CLHC1: variants seen among roughly 807,000 people sequenced by gnomAD.
The protein encoded by CLHC1 is clathrin heavy chain linker domain-containing protein 1.
Under a neutral mutation model 69.5 loss-of-function variants are expected in CLHC1, and 72 were observed. The observed-to-expected ratio is 1.04, with a 90% CI of 0.86 to 1.26. CLHC1 has a LOEUF of 1.26. Among genes scored for constraint, CLHC1 ranks in the 50% most tolerant of loss-of-function variants. The probability of loss-of-function intolerance (pLI) is 0.00; values close to 1 mark genes in which losing one functional copy is unlikely to be tolerated. For missense variants in CLHC1, 790 were observed against 679.3 expected (o/e 1.16, Z -1.81); for synonymous variants, 223 against 224.3 (o/e 0.99, Z 0.05).
chr2:55,176,082 C>A, intron 12 of CLHC1, 96 bp from the exon 13 acceptor site: 1 of 1,000,536 alleles, frequency 1.0e-6, no homozygotes, highest in East Asian at 2.5e-5. Context: ...AATTTCAACT[C>A]AGTTACTGTT....
intron 11 of CLHC1, 61 bp from the exon 12 acceptor site, chr2:55,177,842 T>C: frequency 8.1e-7 from 1 of 1,237,832 alleles, no homozygotes; most frequent in South Asian, 1.4e-5. Flanking sequence ...AACTAGAAAC[T>C]AGGACTAGCT....
intron 9 of CLHC1, among the ~76,000 whole-genome samples, chr2:55,186,858 A>T (rs956108659): frequency 6.6e-6 from 1 of 152,192 alleles, no homozygotes; most frequent in South Asian, 2.1e-4. Flanking sequence ...TTTTTAAAAC[A>T]AGCAGATTTG....
At chr2:55,222,839 T>G (rs944648814) in intron 2 of CLHC1, among the ~76,000 whole-genome samples, 2 of 147,850 alleles carry the variant, frequency 1.4e-5, no homozygotes, top group African/African-American at 2.5e-5. Flanking sequence ...GAGGATCGCT[T>G]GAACCCCGGA....
intron 5 of CLHC1, among the ~76,000 whole-genome samples, chr2:55,212,212 G>C (rs1196366559): frequency 6.6e-6 from 1 of 151,506 alleles, no homozygotes; most frequent in Non-Finnish European, 1.5e-5. Flanking sequence ...TGGAGAGGGA[G>C]GTTGCTGTGG....
chr2:55,212,204 G>C (rs1673076561), intron 5 of CLHC1, among the ~76,000 whole-genome samples: 1 of 151,034 alleles, frequency 6.6e-6, no homozygotes, highest in Non-Finnish European at 1.5e-5. Flanking sequence ...TTAAACCCTG[G>C]AGAGGGAGGT....
chr2:55,183,888 C>A (rs1284719785), intron 9 of CLHC1, among the ~76,000 whole-genome samples: 1 of 152,080 alleles, frequency 6.6e-6, no homozygotes, highest in African/African-American at 2.4e-5. Context: ...TCAAGCAATT[C>A]TCTTGCCTCA....
chr2:55,183,459 C>T (rs1670110664), intron 9 of CLHC1, among the ~76,000 whole-genome samples: 1 of 152,212 alleles, frequency 6.6e-6, no homozygotes, highest in African/African-American at 2.4e-5. Flanking sequence ...TCAAGTCTAA[C>T]TGATCTATGA....
chr2:55,192,406 C>G (rs1004045008), intron 9 of CLHC1, among the ~76,000 whole-genome samples: 4 of 152,142 alleles, frequency 2.6e-5, no homozygotes, highest in African/African-American at 9.7e-5. Flanking sequence ...AGGTGCACTG[C>G]TTCTGGCCTC....
At chr2:55,178,936 A>T (rs1341094039) in intron 11 of CLHC1, among the ~76,000 whole-genome samples, 1 of 149,740 alleles carries the variant, frequency 6.7e-6, no homozygotes, top group Non-Finnish European at 1.5e-5. Flanking sequence ...TATTATTATT[A>T]TTATTATTAT....
chr2:55,189,754 A>C (rs1670744817), intron 9 of CLHC1, among the ~76,000 whole-genome samples: 2 of 152,220 alleles, frequency 1.3e-5, no homozygotes, highest in African/African-American at 4.8e-5. Flanking sequence ...CATACCGGTG[A>C]GGAAGCTACC....
At chr2:55,176,070 A>G in intron 12 of CLHC1, 84 bp from the exon 13 acceptor site, 1 of 1,153,586 alleles carries the variant, frequency 8.7e-7, no homozygotes, top group Non-Finnish European at 1.2e-6. Flanking sequence ...AGAAAAGGAC[A>G]TAATTTCAAC....
intron 9 of CLHC1, among the ~76,000 whole-genome samples, chr2:55,196,015 C>T (rs1350769552): frequency 6.6e-6 from 1 of 152,098 alleles, no homozygotes; most frequent in East Asian, 1.9e-4. Flanking sequence ...CATGGAGAAC[C>T]TGTGCTTGGT....
intron 3 of CLHC1, among the ~76,000 whole-genome samples, chr2:55,219,953 C>T (rs921102016): frequency 3.3e-5 from 5 of 152,136 alleles, no homozygotes; most frequent in African/African-American, 1.2e-4. Flanking sequence ...CCAGGATGGT[C>T]TCAAACTCCT....
chr2:55,210,273 T>C (rs1414119115), intron 5 of CLHC1, among the ~76,000 whole-genome samples: 2 of 152,108 alleles, frequency 1.3e-5, no homozygotes, highest in Non-Finnish European at 2.9e-5. Flanking sequence ...CTCAGCTCAC[T>C]GCAACCTCTG....
chr2:55,192,850 T>G (rs1284573045), intron 9 of CLHC1, among the ~76,000 whole-genome samples: 1 of 150,372 alleles, frequency 6.7e-6, no homozygotes, highest in African/African-American at 2.4e-5. Flanking sequence ...TCTGAATGTG[T>G]AAAACTCTTA....
intron 3 of CLHC1, among the ~76,000 whole-genome samples, chr2:55,219,275 C>G (rs1438690043): frequency 1.3e-5 from 2 of 152,150 alleles, no homozygotes; most frequent in Non-Finnish European, 2.9e-5. Context: ...GCTCCCAAGT[C>G]TGTTTGTTAG....
chr2:55,177,101 G>A (rs1669463942), intron 12 of CLHC1, among the ~76,000 whole-genome samples: 1 of 152,066 alleles, frequency 6.6e-6, no homozygotes, highest in Admixed American at 6.6e-5. Context: ...TTGAACTCCT[G>A]AGCTCAAGCG....
rs1198027256 is a variant in CLHC1 at position 55,174,409 on chromosome 2, C to CA, written c.*1380dup. On this transcript the variant is annotated 3_prime_UTR_variant, in exon 13 of 13. Transcript: ENST00000401408. The stretch of plus-strand genomic sequence containing the variant: ...ATCAAATACTTTAAAGAAGGATAAA[C>CA]ATATAAATACAAATGAGTAGACATA... Among the ~76,000 whole-genome samples the CA allele has an allele frequency of 1.6e-4, 24 of 152,152 alleles. No individual in the cohort carries two copies. The highest frequency in any genetic ancestry group is 1.6e-3 in the Admixed American group (24 of 15,262).
chr2:55,209,251 C>A (rs1476444223), intron 7 of CLHC1, among the ~76,000 whole-genome samples, 153 bp downstream of exon 7: 1 of 152,082 alleles, frequency 6.6e-6, no homozygotes, highest in Non-Finnish European at 1.5e-5. Context: ...TATCTGTTAG[C>A]TGTTGAAGGA....
Sources: allele counts gnomAD v4.1 joint callset (sites outside exome capture counted in the v4.1 genomes callset), GRCh38; gene constraint gnomAD v4.1.1; transcripts MANE v1.5; gene names NCBI Gene and HGNC (gene_info 2026-07-23, HGNC 2026-07-21).